Variants in HMGA2 observed in about 807,000 individuals in gnomAD.
HMGA2 encodes the protein high mobility group protein HMGI-C.
Under a neutral mutation model 19.1 loss-of-function variants are expected in HMGA2, and 8 were observed. The observed-to-expected ratio is 0.42, with a 90% confidence interval of 0.25 to 0.76. The LOEUF (loss-of-function observed/expected upper bound fraction) is 0.76. Ranked by LOEUF, HMGA2 falls within the 30% of genes least tolerant of loss-of-function variation. The probability of loss-of-function intolerance (pLI) is 0.28; values close to 1 mark genes in which losing one functional copy is unlikely to be tolerated. For missense variants in HMGA2, 109 were observed against 136.3 expected (o/e 0.80, Z 1.00); for synonymous variants, 60 against 48.8 (o/e 1.23, Z -0.96).
intron 4 of HMGA2, 59 bp downstream of exon 4, chr12:65,951,474 G>A: frequency 1.9e-6 from 2 of 1,065,644 alleles, no homozygotes; most frequent in South Asian, 2.8e-5. Flanking sequence ...AATATGTACT[G>A]AAAAATGTCC....
At chr12:65,910,793 T>C (rs116647667) in intron 3 of HMGA2, among the ~76,000 whole-genome samples, 2,087 of 152,334 alleles carry the variant, frequency 0.014, 47 homozygotes, top group African/African-American at 0.048. Flanking sequence ...TGGTTTCTTA[T>C]ATGTGTCCTT....
chr12:65,964,437 G>T lies in HMGA2; in HGVS notation c.*1145G>T, dbSNP rs537064335. On this transcript the variant is annotated 3_prime_UTR_variant, in exon 5 of 5. Coordinates refer to ENST00000403681, the MANE Select transcript of HMGA2 (RefSeq NM_003483.6). ...GCATATGTGTTACTTCAAGTAATAC[G>T]TTTTGACATAAGATGGTTGACCAAG... 2 of 221,182 alleles carry T rather than the reference G, an allele frequency of 9.0e-6. No homozygotes were observed. The highest frequency in any genetic ancestry group is 6.6e-5 in the East Asian group (1 of 15,050). The allele number at this position is 221,182 out of a possible 1,614,324, so 13.7% of individuals were successfully genotyped here. A position where few individuals can be genotyped will look rare whatever the true frequency, so the allele number is the denominator to read the frequency against.
chr12:65,883,226 A>G (rs1424921128), intron 3 of HMGA2, among the ~76,000 whole-genome samples: 1 of 152,262 alleles, frequency 6.6e-6, no homozygotes. Context: ...GGAAAATGTT[A>G]ATGCTATGTG....
intron 3 of HMGA2, among the ~76,000 whole-genome samples, chr12:65,890,129 T>A (rs927250692): frequency 6.6e-6 from 1 of 152,110 alleles, no homozygotes. Flanking sequence ...AAAATGAGAG[T>A]TGCCCAAGTC....
At chr12:65,882,994 C>G (rs1443228134) in intron 3 of HMGA2, among the ~76,000 whole-genome samples, 1 of 152,222 alleles carries the variant, frequency 6.6e-6, no homozygotes, top group Non-Finnish European at 1.5e-5. Flanking sequence ...GAGCTCAACT[C>G]CAACTAGGAG....
rs369908721 is a variant in HMGA2, at chr12:65,839,844, C to T, written c.249+1275C>T. ...AGGCTGCCTCTTTCTTCTAGGAAAG[C>T]TCTGCACATTAGAAAATTGTTCCAT... On this transcript the variant is annotated intron_variant, in intron 3 of 4. Transcript: ENST00000403681. Among the ~76,000 whole-genome samples the T allele has an allele frequency of 1.5e-4, 23 of 152,304 alleles. 4 individuals carry two copies. Among genetic ancestry groups the T allele is most frequent in the Admixed American group, 1.3e-3 (20 of 15,298 alleles).
At chr12:65,896,200 T>C (rs926928141) in intron 3 of HMGA2, among the ~76,000 whole-genome samples, 1 of 152,194 alleles carries the variant, frequency 6.6e-6, no homozygotes, top group South Asian at 2.1e-4. Context: ...AAATGTTCAT[T>C]GCATCTGAGA....
At chr12:65,910,643 C>T (rs1874804717) in intron 3 of HMGA2, among the ~76,000 whole-genome samples, 1 of 152,154 alleles carries the variant, frequency 6.6e-6, no homozygotes, top group Admixed American at 6.5e-5. Context: ...GTTTTCATGA[C>T]ATCTTCTGGT....
At chr12:65,890,274 T>G (rs541130699) in intron 3 of HMGA2, among the ~76,000 whole-genome samples, 46 of 152,288 alleles carry the variant, frequency 3.0e-4, no homozygotes, top group Non-Finnish European at 5.6e-4. Flanking sequence ...GAGACCATGT[T>G]TTATGTCTCT....
intron 3 of HMGA2, among the ~76,000 whole-genome samples, chr12:65,871,972 AG>A (rs1872731926): frequency 6.6e-6 from 1 of 152,154 alleles, no homozygotes; most frequent in South Asian, 2.1e-4. Flanking sequence ...TCTTGGGTTT[AG>A]GGGTCTGTGG....
intron 3 of HMGA2, among the ~76,000 whole-genome samples, chr12:65,892,085 T>G (rs983697016): frequency 2.0e-5 from 3 of 152,212 alleles, no homozygotes; most frequent in Non-Finnish European, 4.4e-5. Flanking sequence ...GCGCCGACAC[T>G]CACTCTGATG....
intron 4 of HMGA2, among the ~76,000 whole-genome samples, chr12:65,960,485 A>G (rs1346975922): frequency 6.6e-6 from 1 of 152,192 alleles, no homozygotes; most frequent in Non-Finnish European, 1.5e-5. Flanking sequence ...CCAAAGACCA[A>G]GTCACTGGGA....
At chr12:65,898,119 C>T (rs1031558872) in intron 3 of HMGA2, among the ~76,000 whole-genome samples, 1 of 152,148 alleles carries the variant, frequency 6.6e-6, no homozygotes, top group African/African-American at 2.4e-5. Flanking sequence ...CAGCCTCCAA[C>T]TAAATAACAA....
At chr12:65,935,338 C>T (rs547191467) in intron 3 of HMGA2, among the ~76,000 whole-genome samples, 28 of 152,266 alleles carry the variant, frequency 1.8e-4, no homozygotes, top group African/African-American at 6.5e-4. Context: ...TAGATGGCTG[C>T]TTAACATTTG....
chr12:65,857,138 A>G (rs1324293258), intron 3 of HMGA2: 1 of 152,254 alleles, frequency 6.6e-6, no homozygotes, highest in Non-Finnish European at 1.5e-5. Context: ...GTAGTTTGTT[A>G]CAATAACACA....
intron 3 of HMGA2, among the ~76,000 whole-genome samples, chr12:65,926,521 C>T (rs546479098): frequency 2.0e-4 from 30 of 152,322 alleles, no homozygotes; most frequent in African/African-American, 6.0e-4. Context: ...TCTCTAACTG[C>T]AAGAGTGTGA....
intron 3 of HMGA2, among the ~76,000 whole-genome samples, chr12:65,949,377 AGAAT>A (rs1010950537): frequency 1.5e-4 from 23 of 152,264 alleles, no homozygotes; most frequent in Admixed American, 1.3e-4. Context: ...AGGGGCTCTC[AGAAT>A]GAATGAACAG....
At chr12:65,929,242 T>C (rs1875622801) in intron 3 of HMGA2, among the ~76,000 whole-genome samples, 1 of 152,144 alleles carries the variant, frequency 6.6e-6, no homozygotes, top group African/African-American at 2.4e-5. Flanking sequence ...TTTTCCATAC[T>C]CTATAGTTCA....
chr12:65,952,497 A>G, intron 4 of HMGA2: 3 of 1,499,992 alleles, frequency 2.0e-6, no homozygotes, highest in Non-Finnish European at 2.7e-6. Flanking sequence ...ATTACATATG[A>G]GCTTTAAGTG....
Sources: gnomAD v4.1 joint callset for allele counts (sites outside exome capture counted in the v4.1 genomes callset) on GRCh38, gnomAD v4.1.1 for gene constraint, MANE v1.5 for transcripts, NCBI Gene and HGNC (gene_info 2026-07-23, HGNC 2026-07-21) for gene names.